MAPK10: variants seen among roughly 807,000 people sequenced by gnomAD.
MAPK10 encodes the protein mitogen-activated protein kinase 10.
MAPK10 carries 25 observed loss-of-function variants against 59.3 expected under a neutral mutation model. That is an observed-to-expected ratio of 0.42 (90% CI 0.31 to 0.59). The LOEUF is 0.59. Ranked by LOEUF, MAPK10 falls within the 20% of genes least tolerant of loss-of-function variation. The probability of loss-of-function intolerance (pLI) is 0.15; values close to 1 mark genes in which losing one functional copy is unlikely to be tolerated. For missense variants in MAPK10, 351 were observed against 568.9 expected, an observed-to-expected ratio of 0.62 and a Z score of 3.90; for synonymous variants, 190 against 200.5, an observed-to-expected ratio of 0.95 and a Z score of 0.44.
In MAPK10 at chr4:86,163,239, G is replaced by A. The variant is rs1052141698; in HGVS notation, c.67-3772C>T. On this transcript the variant is annotated intron_variant, in intron 3 of 13. Coordinates refer to ENST00000641462, the MANE Select transcript of MAPK10 (RefSeq NM_138982.4). ...GATAGCAAATATGATGTGTTAAAGAGCTTCCCCCAGATCCCATCTGTGCCC... is the reference window on the plus strand; with the variant it reads ...GATAGCAAATATGATGTGTTAAAGAACTTCCCCCAGATCCCATCTGTGCCC... Among the ~76,000 whole-genome samples, 6 of 152,170 alleles carry A rather than the reference G, an allele frequency of 3.9e-5. No individual in the cohort carries two copies. The South Asian group carries it at 6.2e-4, about 16-fold the overall frequency.
In MAPK10 at chr4:86,504,412, G is replaced by A. The variant is rs114101126; in HGVS notation, c.-263+89498C>T. ...ATCCACATCCTTCCGATTATTGTCT[G>A]TAAACTAAATTAACTACCATATTAT... On this transcript the variant is annotated intron_variant, in intron 1 of 4. Coordinates refer to the MAPK10 transcript ENST00000502302. Among the ~76,000 whole-genome samples the A allele has an allele frequency of 5.9e-3, 904 of 152,176 alleles. 7 individuals carry two copies. Among genetic ancestry groups the A allele is most frequent in the African/African-American group, 0.019 (808 of 41,528 alleles).
intron 11 of MAPK10, among the ~76,000 whole-genome samples, chr4:86,052,692 GTGT>G (rs1428889274): frequency 6.6e-6 from 1 of 151,960 alleles, no homozygotes; most frequent in Non-Finnish European, 1.5e-5. Flanking sequence ...ATATACTCGG[GTGT>G]TGTTGTTGCT....
At chr4:86,131,853 T>C (rs906871233) in intron 4 of MAPK10, among the ~76,000 whole-genome samples, 12 of 152,140 alleles carry the variant, frequency 7.9e-5, no homozygotes, top group Non-Finnish European at 1.8e-4. Context: ...TCTGAAACAC[T>C]GAGAAAACAC....
intron 13 of MAPK10, among the ~76,000 whole-genome samples, chr4:86,018,620 G>T (rs1029361069): frequency 6.6e-6 from 1 of 152,126 alleles, no homozygotes; most frequent in African/African-American, 2.4e-5. Flanking sequence ...GGCATTGTGC[G>T]ATACAATTAA....
At chr4:86,489,017 C>G (rs1243110798) in intron 1 of MAPK10, among the ~76,000 whole-genome samples, 2 of 152,176 alleles carry the variant, frequency 1.3e-5, no homozygotes, top group Non-Finnish European at 2.9e-5. Context: ...GAAACCAGCA[C>G]TTTTCAGTCC....
intron 9 of MAPK10, among the ~76,000 whole-genome samples, chr4:86,085,024 T>G (rs1037622730): frequency 6.6e-6 from 1 of 152,080 alleles, no homozygotes; most frequent in African/African-American, 2.4e-5. Flanking sequence ...ATAAATGGTG[T>G]GGAAAAACTG....
Position 86,013,908 on chromosome 4 carries a change from G to A in MAPK10, c.*3320C>T, listed in dbSNP as rs372198909. ...TTTTTATTCCACAAGAAGAAATTCC[G>A]TTGTAAGGCTAGTGTATTCCTATTT... On this transcript the variant is annotated 3_prime_UTR_variant, in exon 14 of 14. Transcript: ENST00000641462. 33 of 152,250 alleles carry A rather than the reference G, an allele frequency of 2.2e-4. No individual in the cohort carries two copies. In the East Asian group the frequency reaches 2.9e-3, roughly 13 times the overall value. 9.4% of individuals were successfully genotyped at this position (152,250 alleles called of 1,614,324 possible). A position where few individuals can be genotyped will look rare whatever the true frequency, so the allele number is the denominator to read the frequency against.
intron 1 of MAPK10, among the ~76,000 whole-genome samples, chr4:86,422,175 G>A (rs901313386): frequency 6.6e-6 from 1 of 152,014 alleles, no homozygotes; most frequent in Non-Finnish European, 1.5e-5. Flanking sequence ...TCTGACATTA[G>A]AATGTCAGCA....
At chr4:86,552,965 T>C (rs1483171752) in intron 1 of MAPK10, among the ~76,000 whole-genome samples, 3 of 152,190 alleles carry the variant, frequency 2.0e-5, no homozygotes, top group South Asian at 2.1e-4. Context: ...ACGAAGTTCA[T>C]GCTGCCTGTT....
intron 12 of MAPK10, among the ~76,000 whole-genome samples, chr4:86,030,408 G>A (rs757468129): frequency 3.9e-5 from 6 of 151,956 alleles, no homozygotes; most frequent in Admixed American, 2.0e-4. Context: ...ATGGCTCACC[G>A]CAGCCTCAAC....
intron 1 of MAPK10, among the ~76,000 whole-genome samples, chr4:86,573,058 T>C (rs776280574): frequency 3.7e-4 from 56 of 152,228 alleles, no homozygotes; most frequent in Admixed American, 2.7e-3. Flanking sequence ...CCTTCACAAA[T>C]ATTTTGTCCC....
intron 1 of MAPK10, among the ~76,000 whole-genome samples, chr4:86,566,435 C>T (rs1029346284): frequency 1.3e-5 from 2 of 152,102 alleles, no homozygotes; most frequent in South Asian, 2.1e-4. Context: ...TAGTCTAGGC[C>T]GGGCGCGGTG....
In MAPK10 at chr4:86,017,457, C is replaced by A; in HGVS notation, c.1253-87G>T. The stretch of plus-strand genomic sequence containing the variant: ...TTCAGGATTCAGGGATGGGCAAATA[C>A]AATAGGGGATGTCCAGTCCATCAAT... On this transcript the variant is annotated intron_variant, in intron 13 of 13. Transcript: ENST00000641462. The surrounding 1 kb of genome is among the most constrained non-coding windows in gnomAD (Gnocchi z 4.4). 7.0e-7 allele frequency: 1 copy of A among 1,421,776 alleles called. No homozygotes were observed. The highest frequency in any genetic ancestry group is 1.4e-5 in the African/African-American group (1 of 71,242). The allele number at this position is 1,421,776 out of a possible 1,614,324, so 88.1% of individuals were successfully genotyped here. A position where few individuals can be genotyped will look rare whatever the true frequency, so the allele number is the denominator to read the frequency against.
rs376432598 is a variant in MAPK10 at position 86,216,295 on chromosome 4, C to CACATACATATAT, written c.-6-21889_-6-21888insATATATGTATGT. Among the ~76,000 whole-genome samples, 231 of 131,150 alleles carry CACATACATATAT rather than the reference C, an allele frequency of 1.8e-3. 1 individual carries two copies. The highest frequency in any genetic ancestry group is 3.5e-3 in the South Asian group (15 of 4,316). 86.0% of individuals were successfully genotyped at this position (131,150 alleles called of 152,430 possible). A position where few individuals can be genotyped will look rare whatever the true frequency, so the allele number is the denominator to read the frequency against. The stretch of plus-strand genomic sequence containing the variant: ...ATAGCACACACACATATATATATAG[C>CACATACATATAT]ATATATATATATATATATATATAGC... On this transcript the variant is annotated intron_variant, in intron 2 of 13. Transcript: ENST00000641462.
chr4:86,224,391 G>C (rs2090240283), intron 2 of MAPK10, among the ~76,000 whole-genome samples: 1 of 152,298 alleles, frequency 6.6e-6, no homozygotes, highest in East Asian at 1.9e-4. Flanking sequence ...TTAAGGAAGT[G>C]ATATATTAAC....
intron 1 of MAPK10, among the ~76,000 whole-genome samples, chr4:86,539,651 G>A (rs1254355891): frequency 6.6e-6 from 1 of 152,180 alleles, no homozygotes; most frequent in African/African-American, 2.4e-5. Flanking sequence ...TTCAATGTCA[G>A]CAAGTGTGTA....
intron 3 of MAPK10, among the ~76,000 whole-genome samples, chr4:86,181,865 G>A (rs2077003381): frequency 6.6e-6 from 1 of 152,118 alleles, no homozygotes; most frequent in South Asian, 2.1e-4. Context: ...TTATTTCTCT[G>A]TGAATATATC....
At chr4:86,572,333 CT>C (rs1254917977) in intron 1 of MAPK10, among the ~76,000 whole-genome samples, 4 of 152,104 alleles carry the variant, frequency 2.6e-5, no homozygotes, top group Non-Finnish European at 5.9e-5. Context: ...CCATTGTCTT[CT>C]TTTTGCATTA....
At chr4:86,201,085 A>G (rs911036030) in intron 2 of MAPK10, among the ~76,000 whole-genome samples, 8 of 151,902 alleles carry the variant, frequency 5.3e-5, no homozygotes, top group African/African-American at 1.9e-4. Flanking sequence ...CATATGAGTG[A>G]GAACATGCAA....
Sources: allele counts gnomAD v4.1 joint callset (sites outside exome capture counted in the v4.1 genomes callset), GRCh38; gene constraint gnomAD v4.1.1; non-coding constraint Gnocchi (gnomAD v3.1); transcripts MANE v1.5; gene names NCBI Gene and HGNC (gene_info 2026-07-23, HGNC 2026-07-21).